Variants in SPIRE1 observed in about 807,000 individuals in gnomAD.
SPIRE1 encodes protein spire homolog 1.
A neutral mutation model predicts 94.1 loss-of-function variants in SPIRE1; 40 were observed. The ratio of observed to expected loss-of-function variants is 0.43; its 90% CI spans 0.33 to 0.55. The LOEUF is 0.55. SPIRE1 is among the 20% of genes least tolerant of loss of function. The probability of loss-of-function intolerance (pLI) is 0.06; values close to 1 mark genes in which losing one functional copy is unlikely to be tolerated. For synonymous variants in SPIRE1, 376 were observed against 371.7 expected, an observed-to-expected ratio of 1.01 and a Z score of -0.13; for missense variants, 838 against 975.2, an observed-to-expected ratio of 0.86 and a Z score of 1.87.
intron 2 of SPIRE1, among the ~76,000 whole-genome samples, chr18:12,573,966 C>T (rs1446980481): frequency 6.6e-6 from 1 of 152,168 alleles, no homozygotes; most frequent in Non-Finnish European, 1.5e-5. Flanking sequence ...GTCTCCATCT[C>T]CTGACCTCAT....
rs554017709 is a variant in SPIRE1, at chr18:12,559,439, G to A, written c.373-12535C>T. ...ACTCGTGCTGGCCTGCGAACACCAC[G>A]CGCAGCCCTGGTTGCCACCCGCGCC... On this transcript the variant is annotated intron_variant, in intron 2 of 16. Transcript: ENST00000409402. This position sits in a 1 kb window ranked among gnomAD's most constrained non-coding sequence, Gnocchi z 4.7. Among the ~76,000 whole-genome samples the A allele has an allele frequency of 6.6e-5, 10 of 152,264 alleles. No homozygotes were observed. Among genetic ancestry groups the A allele is most frequent in the South Asian group, 2.1e-4 (1 of 4,820 alleles).
At chr18:12,496,469 C>G (rs1261695560) in intron 6 of SPIRE1, among the ~76,000 whole-genome samples, 1 of 152,200 alleles carries the variant, frequency 6.6e-6, no homozygotes, top group African/African-American at 2.4e-5. Flanking sequence ...AGCAGTGGCT[C>G]ACGCATGTAA....
At position 12,624,237 on chromosome 18, in the gene SPIRE1, TAA is replaced by T. The variant is rs71174110; in HGVS notation, c.372+10823_372+10824del. 8.6e-3 allele frequency among the ~76,000 whole-genome samples: 1,257 copies of T among 146,554 alleles called. 17 individuals carry two copies. The highest frequency in any genetic ancestry group is 0.03 in the African/African-American group (1,191 of 39,540). The stretch of plus-strand genomic sequence containing the variant: ...ATGCCTGCCTAATAAGGCAAATTAT[TAA>T]AAAAAAAAAAACATTCTACATGGCT... On this transcript the variant is annotated intron_variant, in intron 2 of 16. Coordinates refer to ENST00000409402, the MANE Select transcript of SPIRE1 (RefSeq NM_001128626.2).
At chr18:12,625,526 T>G (rs920521001) in intron 2 of SPIRE1, among the ~76,000 whole-genome samples, 3 of 152,068 alleles carry the variant, frequency 2.0e-5, no homozygotes, top group African/African-American at 7.2e-5. Flanking sequence ...GCTAAAAGAG[T>G]AGATTCAATA....
intron 2 of SPIRE1, among the ~76,000 whole-genome samples, chr18:12,563,619 T>C (rs1036608577): frequency 8.5e-5 from 13 of 152,208 alleles, no homozygotes; most frequent in African/African-American, 2.9e-4. Flanking sequence ...CTAAAAATAG[T>C]TGTGATACAA....
At chr18:12,658,299 G>A, upstream of SPIRE1, 4 of 443,828 alleles carry the variant, frequency 9.0e-6, no homozygotes, top group Non-Finnish European at 1.8e-5. Flanking sequence ...GTGACGCCCG[G>A]TCGGGGGGCC....
chr18:12,508,810 G>A (rs2033927430), intron 5 of SPIRE1, among the ~76,000 whole-genome samples: 1 of 151,914 alleles, frequency 6.6e-6, no homozygotes, highest in Non-Finnish European at 1.5e-5. Flanking sequence ...GAGTAGCTGG[G>A]ATTACAGGTG....
At chr18:12,456,384 G>A (rs1246285277) in intron 12 of SPIRE1, among the ~76,000 whole-genome samples, 1 of 152,100 alleles carries the variant, frequency 6.6e-6, no homozygotes, top group Non-Finnish European at 1.5e-5. Flanking sequence ...TCCGAATGAT[G>A]GCATTTCTCA....
intron 10 of SPIRE1, among the ~76,000 whole-genome samples, chr18:12,477,752 C>T (rs985423173): frequency 1.3e-5 from 2 of 152,060 alleles, no homozygotes; most frequent in East Asian, 1.9e-4. Flanking sequence ...CTGACAAGGA[C>T]GTGAGGGGCA....
At chr18:12,535,383 G>A (rs1001061163) in intron 4 of SPIRE1, 93 bp downstream of exon 4, 18 of 1,319,130 alleles carry the variant, frequency 1.4e-5, no homozygotes, top group East Asian at 4.9e-5. Context: ...ACAATACAGC[G>A]GACAATATTG....
chr18:12,591,968 CAAAAAAAAAAAA>C (rs35668057), intron 2 of SPIRE1, among the ~76,000 whole-genome samples: 2 of 67,436 alleles, frequency 3.0e-5, no homozygotes, highest in Non-Finnish European at 5.6e-5. Context: ...GACTCCATCT[CAAAAAAAAAAAA>C]AAAAAAAAAA....
intron 2 of SPIRE1, among the ~76,000 whole-genome samples, chr18:12,565,124 A>C (rs2035786055): frequency 6.6e-6 from 1 of 152,206 alleles, no homozygotes; most frequent in Admixed American, 6.5e-5. Flanking sequence ...ACACATAAGC[A>C]TATCAGTTTC....
At chr18:12,570,013 C>G (rs566159304) in intron 2 of SPIRE1, among the ~76,000 whole-genome samples, 1 of 152,344 alleles carries the variant, frequency 6.6e-6, no homozygotes, top group African/African-American at 2.4e-5. Flanking sequence ...GGTCCAGCCA[C>G]TGAGGGCAGC....
intron 2 of SPIRE1, among the ~76,000 whole-genome samples, chr18:12,616,577 C>T (rs2037314378): frequency 6.6e-6 from 1 of 152,178 alleles, no homozygotes; most frequent in Non-Finnish European, 1.5e-5. Flanking sequence ...GTTGTTACAA[C>T]CTATAAAATG....
Position 12,503,967 on chromosome 18 carries a change from T to C in SPIRE1, c.972+2510A>G. On this transcript the variant is annotated intron_variant, in intron 6 of 16. Coordinates refer to ENST00000409402, the MANE Select transcript of SPIRE1 (RefSeq NM_001128626.2). ...TCATCACAGTATTTCTGAGGGCAACTAGGGAATATGTACATAGCACAGAGC... is the reference window on the plus strand; with the variant it reads ...TCATCACAGTATTTCTGAGGGCAACCAGGGAATATGTACATAGCACAGAGC... 1.4e-5 allele frequency among the ~76,000 whole-genome samples: 2 copies of C among 146,910 alleles called. 1 individual carries two copies. Among genetic ancestry groups the C allele is most frequent in the Non-Finnish European group, 3.0e-5 (2 of 66,452 alleles).
chr18:12,640,341 C>T (rs2038051710), intron 1 of SPIRE1, among the ~76,000 whole-genome samples: 1 of 152,146 alleles, frequency 6.6e-6, no homozygotes, highest in African/African-American at 2.4e-5. Context: ...TCCCTCTAAC[C>T]ATGTGAAATT....
intron 2 of SPIRE1, among the ~76,000 whole-genome samples, chr18:12,596,897 C>G (rs987852285): frequency 2.1e-5 from 3 of 145,972 alleles, no homozygotes; most frequent in African/African-American, 8.3e-5. Flanking sequence ...CTGCTAACCC[C>G]CTTCCTGTTT....
At chr18:12,524,501 C>A (rs1014403814) in intron 4 of SPIRE1, among the ~76,000 whole-genome samples, 1 of 152,094 alleles carries the variant, frequency 6.6e-6, no homozygotes. Flanking sequence ...TTTCTTTTCT[C>A]TAGGAAAACT....
In SPIRE1 at chr18:12,574,287, G is replaced by C. The variant is rs77970966; in HGVS notation, c.373-27383C>G. On this transcript the variant is annotated intron_variant, in intron 2 of 16. Coordinates refer to ENST00000409402, the MANE Select transcript of SPIRE1 (RefSeq NM_001128626.2). The stretch of plus-strand genomic sequence containing the variant: ...ATGTGGCTTTAAAAATACAGTGTTA[G>C]AGAACGGATTAAAAATGGGCCAGAG... 8.7e-3 allele frequency among the ~76,000 whole-genome samples: 1,318 copies of C among 152,294 alleles called. 25 individuals carry two copies. Among genetic ancestry groups the C allele is most frequent in the African/African-American group, 0.031 (1,271 of 41,554 alleles).
Sources: gnomAD v4.1 joint callset for allele counts (sites outside exome capture counted in the v4.1 genomes callset) on GRCh38, gnomAD v4.1.1 for gene constraint, Gnocchi (gnomAD v3.1) non-coding constraint, MANE v1.5 for transcripts, NCBI Gene and HGNC (gene_info 2026-07-23, HGNC 2026-07-21) for gene names.